Variants in MAP2K5 observed in about 807,000 individuals in gnomAD.
MAP2K5 encodes mitogen-activated protein kinase kinase 5, also known as dual specificity mitogen-activated protein kinase kinase 5.
A neutral mutation model predicts 83.1 loss-of-function variants in MAP2K5; 49 were observed. The observed-to-expected ratio is 0.59, with a 90% CI of 0.47 to 0.75. The LOEUF (loss-of-function observed/expected upper bound fraction) is 0.75, where lower values mean the gene tolerates loss of function less well. Ranked by LOEUF, MAP2K5 falls within the 30% of genes least tolerant of loss-of-function variation. The probability of loss-of-function intolerance (pLI) is 0.00; values close to 1 mark genes in which losing one functional copy is unlikely to be tolerated. For missense variants in MAP2K5, 457 were observed against 557.5 expected (o/e 0.82, Z 1.82); for synonymous variants, 202 against 191.8 (o/e 1.05, Z -0.44).
intron 9 of MAP2K5, among the ~76,000 whole-genome samples, chr15:67,642,150 T>A (rs1436450212): frequency 1.3e-5 from 2 of 152,218 alleles, no homozygotes; most frequent in Admixed American, 6.5e-5. Flanking sequence ...TTTAGGTCAG[T>A]GTGGCATTTT....
At chr15:67,806,554 G>T in intron 21 of MAP2K5, 92 bp from the exon 22 acceptor site, 1 of 1,108,324 alleles carries the variant, frequency 9.0e-7, no homozygotes, top group Non-Finnish European at 1.3e-6. Flanking sequence ...TGGGGAAAGA[G>T]ATCAGATCCA....
At position 67,543,466 on chromosome 15, in the gene MAP2K5, T is replaced by A; in HGVS notation, c.131T>A (p.Val44Glu). ...GGGCCGCAGTTACTCTTCAGGGATGTGCTGGTGAGTGGTAATCTCAGTGTC... is the reference window on the plus strand; with the variant it reads ...GGGCCGCAGTTACTCTTCAGGGATGAGCTGGTGAGTGGTAATCTCAGTGTC... ...HSGPQLLFRD[V>E]LDVIGQVLPE... The change falls in exon 1 of 22, where the codon GTG becomes GAG. Residue 44 changes from valine (V) to glutamate (E), a missense_variant. Transcript: ENST00000178640. This position sits in a 1 kb window ranked among gnomAD's most constrained non-coding sequence, Gnocchi z 4.3. 6.2e-7 allele frequency: 1 copy of A among 1,614,142 alleles called. No homozygotes were observed. The highest frequency in any genetic ancestry group is 1.7e-4 in the Middle Eastern group (1 of 6,048).
chr15:67,615,198 A>G (rs916294131), intron 8 of MAP2K5, among the ~76,000 whole-genome samples: 65 of 152,092 alleles, frequency 4.3e-4, no homozygotes, highest in African/African-American at 1.4e-3. Context: ...GGGTTTCACC[A>G]TGTTGGCCAG....
chr15:67,550,032 A>G lies in MAP2K5; in HGVS notation c.136-2A>G. The G allele has an allele frequency of 1.2e-6, 2 of 1,611,644 alleles. No homozygotes were observed. Among genetic ancestry groups the G allele is most frequent in the Non-Finnish European group, 1.7e-6 (2 of 1,177,904 alleles). ...GTGTTTCTTTATTCTTTCTTTGTTTAGGATGTGATAGGCCAGGTTCTGCCT... is the reference window on the plus strand; with the variant it reads ...GTGTTTCTTTATTCTTTCTTTGTTTGGGATGTGATAGGCCAGGTTCTGCCT... On this transcript the variant is annotated splice_acceptor_variant, in intron 1 of 21. Transcript: ENST00000178640. LOFTEE classifies it high-confidence loss of function.
chr15:67,744,946 A>G (rs2089571431), intron 17 of MAP2K5, among the ~76,000 whole-genome samples: 4 of 152,200 alleles, frequency 2.6e-5, no homozygotes, highest in South Asian at 2.1e-4. Flanking sequence ...ATTTAAACAC[A>G]TAAGAGTCTG....
chr15:67,672,396 C>A (rs1487577746), intron 13 of MAP2K5, among the ~76,000 whole-genome samples: 1 of 152,018 alleles, frequency 6.6e-6, no homozygotes, highest in Non-Finnish European at 1.5e-5. Context: ...TTTTGATTTG[C>A]ATTTCTCTGA....
At chr15:67,612,234 T>C (rs2085941634) in intron 8 of MAP2K5, among the ~76,000 whole-genome samples, 1 of 152,172 alleles carries the variant, frequency 6.6e-6, no homozygotes, top group Non-Finnish European at 1.5e-5. Flanking sequence ...CTATCTATCA[T>C]ATTTTAAGAG....
chr15:67,557,474 ATATT>A (rs2084651660), intron 2 of MAP2K5, among the ~76,000 whole-genome samples: 1 of 152,204 alleles, frequency 6.6e-6, no homozygotes, highest in South Asian at 2.1e-4. Flanking sequence ...TATAGAATAA[ATATT>A]TATTGAATTT....
chr15:67,742,961 T>G (rs2089527808), intron 17 of MAP2K5, among the ~76,000 whole-genome samples: 1 of 152,192 alleles, frequency 6.6e-6, no homozygotes, highest in African/African-American at 2.4e-5. Context: ...TGTACCTCAA[T>G]GCTCCAGCTG....
At position 67,560,904 on chromosome 15, in the gene MAP2K5, GC is replaced by G. The variant is rs533988090; in HGVS notation, c.185-2371del. 9.2e-5 allele frequency among the ~76,000 whole-genome samples: 14 copies of G among 151,534 alleles called. No individual in the cohort carries two copies. In the South Asian group the frequency reaches 1.0e-3, roughly 11 times the overall value. On this transcript the variant is annotated intron_variant, in intron 2 of 21. Transcript: ENST00000178640. ...TTTAAATGATTTTTATGTAATCGGT[GC>G]CCCCCCCTTTTTTTAAATAAATTAT...
intron 12 of MAP2K5, among the ~76,000 whole-genome samples, chr15:67,663,283 C>G (rs1003698434): frequency 6.6e-6 from 1 of 151,944 alleles, no homozygotes; most frequent in Non-Finnish European, 1.5e-5. Context: ...CCTGTATAGA[C>G]AAAAGAAAAA....
intron 12 of MAP2K5, among the ~76,000 whole-genome samples, chr15:67,662,308 A>G (rs2087256976): frequency 6.6e-6 from 1 of 152,126 alleles, no homozygotes; most frequent in Non-Finnish European, 1.5e-5. Context: ...GGCTTCCTTG[A>G]TCAACTAGAA....
intron 16 of MAP2K5, among the ~76,000 whole-genome samples, chr15:67,713,335 G>A (rs936579684): frequency 6.6e-6 from 1 of 152,172 alleles, no homozygotes; most frequent in Non-Finnish European, 1.5e-5. Context: ...TTTAATGGAT[G>A]CCAGATAAGA....
intron 3 of MAP2K5, among the ~76,000 whole-genome samples, chr15:67,571,703 C>T (rs563480801): frequency 6.6e-6 from 1 of 152,134 alleles, no homozygotes; most frequent in East Asian, 1.9e-4. Flanking sequence ...GGTTTTTTCC[C>T]CATTTTTACA....
At chr15:67,619,569 C>T (rs190867686) in intron 8 of MAP2K5, among the ~76,000 whole-genome samples, 15 of 152,282 alleles carry the variant, frequency 9.9e-5, no homozygotes, top group African/African-American at 3.6e-4. Flanking sequence ...TTGAAACTTA[C>T]AATAAAGTAG....
chr15:67,762,955 C>T (rs895886999), intron 19 of MAP2K5, among the ~76,000 whole-genome samples: 7 of 152,150 alleles, frequency 4.6e-5, no homozygotes, highest in African/African-American at 9.7e-5. Context: ...GTGGACAGAA[C>T]GTCACACCAA....
rs75718946 is a variant in MAP2K5 at position 67,597,295 on chromosome 15, C to G, written c.481-3390C>G. Among the ~76,000 whole-genome samples the G allele has an allele frequency of 1.5e-4, 23 of 152,072 alleles. No homozygotes were observed. In the East Asian group the frequency reaches 2.7e-3, roughly 18 times the overall value. On this transcript the variant is annotated intron_variant, in intron 7 of 21. Transcript: ENST00000178640. ...AAACATTTTTCTTCTTAAAAACTAACATCGTAGCTAATGAAATTTCTTTTA... is the reference window on the plus strand; with the variant it reads ...AAACATTTTTCTTCTTAAAAACTAAGATCGTAGCTAATGAAATTTCTTTTA...
chr15:67,654,509 C>G (rs956812621), intron 11 of MAP2K5, among the ~76,000 whole-genome samples: 3 of 152,042 alleles, frequency 2.0e-5, no homozygotes, highest in Non-Finnish European at 4.4e-5. Flanking sequence ...AATTAGAGTG[C>G]TTAAACCTTT....
At chr15:67,735,230 C>T (rs1050462048) in intron 17 of MAP2K5, among the ~76,000 whole-genome samples, 41 of 152,100 alleles carry the variant, frequency 2.7e-4, no homozygotes, top group African/African-American at 1.7e-4. Context: ...CCTAGTATGT[C>T]CTTAAAATAG....
Sources: allele counts gnomAD v4.1 joint callset (sites outside exome capture counted in the v4.1 genomes callset), GRCh38; gene constraint gnomAD v4.1.1; non-coding constraint Gnocchi (gnomAD v3.1); transcripts MANE v1.5; gene names NCBI Gene and HGNC (gene_info 2026-07-23, HGNC 2026-07-21).